The following DNAJC7 variants were observed in gnomAD, a reference collection of about 807,000 sequenced individuals.
The protein encoded by DNAJC7 is dnaJ homolog subfamily C member 7.
A neutral mutation model predicts 67.4 loss-of-function variants in DNAJC7; 18 were observed. The ratio of observed to expected loss-of-function variants is 0.27; its 90% CI spans 0.18 to 0.40. The LOEUF is 0.40. Ranked by LOEUF, DNAJC7 falls within the 10% of genes least tolerant of loss-of-function variation. The probability of loss-of-function intolerance (pLI) is 1.00; values close to 1 mark genes in which losing one functional copy is unlikely to be tolerated. For missense variants in DNAJC7, 419 were observed against 613.8 expected (o/e 0.68, Z 3.35); for synonymous variants, 220 against 207.8 (o/e 1.06, Z -0.50).
intron 1 of DNAJC7, among the ~76,000 whole-genome samples, chr17:42,004,051 G>C (rs2051882082): frequency 6.8e-6 from 1 of 146,404 alleles, no homozygotes; most frequent in Non-Finnish European, 1.5e-5. Context: ...TGCCTCCTGG[G>C]TTCAAGTGTT....
In DNAJC7 at chr17:41,982,298, C is replaced by T; in HGVS notation, c.1188G>A (p.Glu396=). 1 of 1,614,038 alleles carries T rather than the reference C, an allele frequency of 6.2e-7. No individual in the cohort carries two copies. The highest frequency in any genetic ancestry group is 8.5e-7 in the Non-Finnish European group (1 of 1,179,904). The change falls in exon 11 of 14, where the codon GAG becomes GAA. Residue 396 remains glutamate, a synonymous_variant. Transcript: ENST00000457167. ...CCCGTTTCCGATAAGCTTTCTTGATCTCGTCCTCAGAGGCATTCTTGTCCA... is the reference window on the plus strand; with the variant it reads ...CCCGTTTCCGATAAGCTTTCTTGATTTCGTCCTCAGAGGCATTCTTGTCCA... The part of the protein sequence containing the change: ...LGVDKNASED[E]IKKAYRKRAL...
At chr17:41,977,212 T>C in intron 13 of DNAJC7, 49 bp downstream of exon 13, 1 of 1,541,876 alleles carries the variant, frequency 6.5e-7, no homozygotes, top group Non-Finnish European at 8.8e-7. Flanking sequence ...AGGCAATGAG[T>C]GTGTTGGCTT....
intron 4 of DNAJC7, 112 bp downstream of exon 4, chr17:41,996,199 A>G: frequency 8.0e-6 from 8 of 998,476 alleles, no homozygotes; most frequent in Non-Finnish European, 1.2e-5. Flanking sequence ...AAAGTCACCC[A>G]GGTGTGCTGA....
chr17:41,989,752 T>A (rs782305423), intron 6 of DNAJC7, among the ~76,000 whole-genome samples, 195 bp from the exon 7 acceptor site: 2 of 152,242 alleles, frequency 1.3e-5, no homozygotes, highest in Non-Finnish European at 2.9e-5. Context: ...ACATCTTGTG[T>A]CTTACAATCC....
At position 41,996,522 on chromosome 17, in the gene DNAJC7, C is replaced by G. The variant is rs1446419689; in HGVS notation, c.292-98G>C. On this transcript the variant is annotated intron_variant, in intron 3 of 13. Transcript: ENST00000457167. ...CACCCACACAAAACCAACACAGAGG[C>G]CAGGCGCGGTGACTCACACCTGTAA... is the stretch of plus-strand genomic sequence containing the variant. The G allele has an allele frequency of 6.7e-6, 7 of 1,049,292 alleles. No individual in the cohort carries two copies. The South Asian group carries it at 7.4e-5, about 11-fold the overall frequency. 65.0% of individuals were successfully genotyped at this position (1,049,292 alleles called of 1,614,324 possible).
intron 1 of DNAJC7, among the ~76,000 whole-genome samples, chr17:42,007,516 CTTT>C (rs2051998919): frequency 6.6e-6 from 1 of 152,154 alleles, no homozygotes; most frequent in Middle Eastern, 3.4e-3. Context: ...TTAGATTCTT[CTTT>C]AAGAAAAAAA....
chr17:41,995,300 C>T (rs2054468920), intron 4 of DNAJC7, among the ~76,000 whole-genome samples: 1 of 152,144 alleles, frequency 6.6e-6, no homozygotes, highest in South Asian at 2.1e-4. Flanking sequence ...GGGCTAGACC[C>T]AATCTTCACC....
chr17:41,982,080 ACT>A (rs2051265768), intron 11 of DNAJC7, 73 bp from the exon 12 acceptor site: 1 of 1,583,574 alleles, frequency 6.3e-7, no homozygotes, highest in Non-Finnish European at 8.6e-7. Context: ...GAGAAAAACT[ACT>A]TTCTGTCTAA....
chr17:41,989,296 G>C, intron 7 of DNAJC7, 108 bp downstream of exon 7: 2 of 1,422,912 alleles, frequency 1.4e-6, no homozygotes, highest in Non-Finnish European at 1.9e-6. Flanking sequence ...TGCAAAGCAG[G>C]AGGAAAAGCT....
At chr17:42,014,868 T>C (rs1322351739) in intron 1 of DNAJC7, 1 of 151,680 alleles carries the variant, frequency 6.6e-6, no homozygotes, top group Non-Finnish European at 1.5e-5. Context: ...CTTTTTTCTT[T>C]TTTTAATTAA....
intron 1 of DNAJC7, among the ~76,000 whole-genome samples, chr17:42,001,428 T>C (rs797028291): frequency 5.9e-5 from 9 of 152,346 alleles, no homozygotes; most frequent in African/African-American, 1.7e-4. Context: ...TGTTATATAA[T>C]TGGGAATTAG....
intron 6 of DNAJC7, 89 bp from the exon 7 acceptor site, chr17:41,989,646 A>C: frequency 1.3e-5 from 20 of 1,516,948 alleles, no homozygotes; most frequent in Non-Finnish European, 1.8e-5. Context: ...CTCCTTGACC[A>C]TGTGTCTAGC....
chr17:41,993,188 G>A (rs1555648022), intron 5 of DNAJC7, among the ~76,000 whole-genome samples: 1 of 152,206 alleles, frequency 6.6e-6, no homozygotes, highest in Non-Finnish European at 1.5e-5. Flanking sequence ...GGCCAGGCGT[G>A]GTGGCTCACG....
intron 3 of DNAJC7, 88 bp from the exon 4 acceptor site, chr17:41,996,512 A>G: frequency 8.3e-7 from 1 of 1,208,290 alleles, no homozygotes; most frequent in Middle Eastern, 1.9e-4. Flanking sequence ...ACACAAAACC[A>G]ACACAGAGGC....
At chr17:42,010,397 CAGG>C (rs1328427964) in intron 1 of DNAJC7, among the ~76,000 whole-genome samples, 2 of 151,922 alleles carry the variant, frequency 1.3e-5, no homozygotes, top group African/African-American at 4.8e-5. Flanking sequence ...GAAGCTGACT[CAGG>C]AGAATTGCTT....
At chr17:42,015,736 C>T (rs1463243344) in intron 1 of DNAJC7, 1 of 151,728 alleles carries the variant, frequency 6.6e-6, no homozygotes, top group Non-Finnish European at 1.5e-5. Context: ...CACGTGTAGT[C>T]CCAGCAACTG....
intron 12 of DNAJC7, 116 bp from the exon 13 acceptor site, chr17:41,977,439 C>A: frequency 1.1e-6 from 1 of 909,300 alleles, no homozygotes; most frequent in South Asian, 1.6e-5. Flanking sequence ...GAGTCTCACT[C>A]CCCTCCTTTC....
intron 1 of DNAJC7, among the ~76,000 whole-genome samples, chr17:42,006,841 C>CTATAATCCCA (rs1227939906): frequency 7.7e-6 from 1 of 130,392 alleles, no homozygotes; most frequent in East Asian, 2.5e-4. Context: ...TGGCTCACGC[C>CTATAATCCCA]TATAATCCCA....
chr17:41,996,245 C>A, intron 4 of DNAJC7, 66 bp downstream of exon 4: 2 of 1,542,380 alleles, frequency 1.3e-6, no homozygotes, highest in Non-Finnish European at 1.8e-6. Flanking sequence ...TTCCGACTTT[C>A]AAGTAGCCAC....
Sources: gnomAD v4.1 joint callset for allele counts (sites outside exome capture counted in the v4.1 genomes callset) on GRCh38, gnomAD v4.1.1 for gene constraint, MANE v1.5 for transcripts, NCBI Gene and HGNC (gene_info 2026-07-23, HGNC 2026-07-21) for gene names.